The following MEGF11 variants were observed in gnomAD, a reference collection of about 807,000 sequenced individuals.
MEGF11 encodes multiple EGF like domains 11.
In MEGF11, 126 loss-of-function variants were observed where a neutral mutation model predicts 146.6. That is an observed-to-expected ratio of 0.86 (90% CI 0.74 to 1.00). The LOEUF is 1.00. Ranked by LOEUF, MEGF11 falls within the 50% of genes least tolerant of loss-of-function variation. The probability of loss-of-function intolerance (pLI) is 0.00; values close to 1 mark genes in which losing one functional copy is unlikely to be tolerated. For synonymous variants in MEGF11, 532 were observed against 583.4 expected, an observed-to-expected ratio of 0.91 and a Z score of 1.27; for missense variants, 1,509 against 1,521.2, an observed-to-expected ratio of 0.99 and a Z score of 0.13.
At chr15:66,088,425 G>A (rs1044423091) in intron 5 of MEGF11, among the ~76,000 whole-genome samples, 4 of 152,250 alleles carry the variant, frequency 2.6e-5, no homozygotes, top group African/African-American at 9.6e-5. Context: ...GGGAGGCTGA[G>A]TGGATCCCTT....
chr15:65,910,073 G>C, intron 21 of MEGF11: 1 of 616,974 alleles, frequency 1.6e-6, no homozygotes. Context: ...GAGCCAAGCT[G>C]GCCCTGACAG....
At chr15:65,996,509 G>C (rs1367687740) in intron 5 of MEGF11, among the ~76,000 whole-genome samples, 1 of 150,550 alleles carries the variant, frequency 6.6e-6, no homozygotes, top group Non-Finnish European at 1.5e-5. Context: ...AATCTCAGAT[G>C]GAGTCTCACT....
intron 1 of MEGF11, among the ~76,000 whole-genome samples, chr15:66,218,476 C>T (rs2091642876): frequency 6.6e-6 from 1 of 152,186 alleles, no homozygotes; most frequent in African/African-American, 2.4e-5. Flanking sequence ...AGGACCCACT[C>T]CTCGGATCCA....
intron 5 of MEGF11, among the ~76,000 whole-genome samples, chr15:65,987,281 A>T (rs940128157): frequency 6.6e-6 from 1 of 152,222 alleles, no homozygotes; most frequent in African/African-American, 2.4e-5. Flanking sequence ...GCAGATGGAC[A>T]CGGTATGCTG....
chr15:66,027,047 C>T (rs936014091), intron 5 of MEGF11, among the ~76,000 whole-genome samples: 5 of 152,206 alleles, frequency 3.3e-5, no homozygotes, highest in African/African-American at 9.6e-5. Flanking sequence ...TCTGGTAGCC[C>T]TCATGCACCA....
intron 10 of MEGF11, among the ~76,000 whole-genome samples, chr15:65,937,290 C>T (rs563582667): frequency 1.3e-5 from 2 of 152,184 alleles, no homozygotes; most frequent in Non-Finnish European, 2.9e-5. Flanking sequence ...GGGTTGTGAG[C>T]TGGGGAGTTT....
intron 5 of MEGF11, among the ~76,000 whole-genome samples, chr15:66,044,850 CAAAAAAAA>C (rs140901440): frequency 1.1e-5 from 1 of 90,694 alleles, no homozygotes; most frequent in Non-Finnish European, 2.0e-5. Context: ...GACCTTATCT[CAAAAAAAA>C]AAAAAAAAAA....
chr15:66,100,048 T>G (rs1567240006), intron 4 of MEGF11, among the ~76,000 whole-genome samples: 1 of 152,086 alleles, frequency 6.6e-6, no homozygotes, highest in Non-Finnish European at 1.5e-5. Flanking sequence ...TTCAGGCGCT[T>G]TGTCTCATGA....
At chr15:66,019,184 GC>G (rs1364710127) in intron 5 of MEGF11, among the ~76,000 whole-genome samples, 4 of 152,164 alleles carry the variant, frequency 2.6e-5, no homozygotes, top group African/African-American at 9.7e-5. Context: ...GGAACCAGGA[GC>G]TTGACCTCCT....
rs188426381 is a variant in MEGF11 at position 66,066,759 on chromosome 15, G to T, written c.394+27643C>A. 3.3e-5 allele frequency among the ~76,000 whole-genome samples: 5 copies of T among 152,352 alleles called. No individual in the cohort carries two copies. The East Asian group carries it at 7.7e-4, about 23-fold the overall frequency. On this transcript the variant is annotated intron_variant, in intron 5 of 25. Coordinates refer to ENST00000395614, the MANE Select transcript of MEGF11 (RefSeq NM_001385028.1). The stretch of plus-strand genomic sequence containing the variant: ...AATGCACCTCCCTGATCAGCCCACC[G>T]GGCTGAGGCTTGGAGTCATCCCAAA...
At chr15:65,980,643 C>G (rs934997345) in intron 7 of MEGF11, 135 bp downstream of exon 7, 1 of 1,234,522 alleles carries the variant, frequency 8.1e-7, no homozygotes, top group Non-Finnish European at 1.1e-6. Flanking sequence ...AAGTGATCTG[C>G]GGGCCTCGGC....
intron 5 of MEGF11, among the ~76,000 whole-genome samples, chr15:65,998,022 C>G (rs953698708): frequency 6.6e-6 from 1 of 151,192 alleles, no homozygotes; most frequent in Non-Finnish European, 1.5e-5. Flanking sequence ...AGTCAAGGCA[C>G]GGGCAGGGGT....
chr15:65,925,849 C>A (rs2079354726), intron 13 of MEGF11, among the ~76,000 whole-genome samples: 1 of 152,178 alleles, frequency 6.6e-6, no homozygotes, highest in Non-Finnish European at 1.5e-5. Flanking sequence ...AGGAAGCCTT[C>A]TTGGATGTCT....
intron 1 of MEGF11, among the ~76,000 whole-genome samples, chr15:66,216,674 A>T (rs11854038): frequency 6.6e-6 from 1 of 152,020 alleles, no homozygotes; most frequent in African/African-American, 2.4e-5. Flanking sequence ...AGCAGCTGAC[A>T]GTCAGAAGTA....
chr15:66,016,479 GTT>G (rs58588643), intron 5 of MEGF11, among the ~76,000 whole-genome samples: 19,758 of 127,616 alleles, frequency 0.15, 1,095 homozygotes, highest in East Asian at 0.39. Context: ...CATCCATTCA[GTT>G]TTTTTTTTTT....
intron 1 of MEGF11, among the ~76,000 whole-genome samples, chr15:66,169,453 G>GTT (rs1000720036): frequency 2.0e-5 from 3 of 152,156 alleles, no homozygotes; most frequent in African/African-American, 7.2e-5. Flanking sequence ...AACAGAGTCA[G>GTT]TTTCTCTCTC....
chr15:66,213,515 G>A (rs1456832609), intron 1 of MEGF11, among the ~76,000 whole-genome samples: 1 of 151,972 alleles, frequency 6.6e-6, no homozygotes, highest in Admixed American at 6.5e-5. Flanking sequence ...GTCTGATAGT[G>A]ATATAGGCAC....
chr15:65,994,135 A>G (rs1404640267), intron 5 of MEGF11, among the ~76,000 whole-genome samples: 2 of 152,006 alleles, frequency 1.3e-5, no homozygotes. Context: ...GTGTGCAAAA[A>G]CCTAATTTCT....
chr15:65,924,632 T>G (rs966867649), intron 13 of MEGF11, among the ~76,000 whole-genome samples: 2 of 149,736 alleles, frequency 1.3e-5, no homozygotes, highest in Admixed American at 6.6e-5. Flanking sequence ...GGCTTTTTTT[T>G]TTTTTTTTTT....
Sources: gnomAD v4.1 joint callset for allele counts (sites outside exome capture counted in the v4.1 genomes callset) on GRCh38, gnomAD v4.1.1 for gene constraint, MANE v1.5 for transcripts, NCBI Gene and HGNC (gene_info 2026-07-23, HGNC 2026-07-21) for gene names.